The following PTPRG variants were observed in gnomAD, a reference collection of about 807,000 sequenced individuals.
The protein encoded by PTPRG is protein tyrosine phosphatase receptor type G, also known as receptor-type tyrosine-protein phosphatase gamma.
PTPRG carries 102 observed loss-of-function variants against 165.3 expected under a neutral mutation model. The ratio of observed to expected loss-of-function variants is 0.62; its 90% confidence interval spans 0.53 to 0.73. The LOEUF (loss-of-function observed/expected upper bound fraction) is 0.73, where lower values mean the gene tolerates loss of function less well. Among genes scored for constraint, PTPRG ranks in the 30% least tolerant of loss-of-function variants. The probability of loss-of-function intolerance (pLI) is 0.00; values close to 1 mark genes in which losing one functional copy is unlikely to be tolerated. For missense variants in PTPRG, 1,866 were observed against 1,861.4 expected (o/e 1.00, Z -0.05); for synonymous variants, 675 against 669.5 (o/e 1.01, Z -0.13).
At position 62,137,444 on chromosome 3, in the gene PTPRG, A is replaced by G. The variant is rs76492073; in HGVS notation, c.682+4776A>G. On this transcript the variant is annotated intron_variant, in intron 6 of 29. Transcript: ENST00000474889. ...AGATGAGGCAAAACTCTGCAGCCCA[A>G]TTTGTTCAACTTTTGAAGCCTTAGG... Among the ~76,000 whole-genome samples, 21 of 152,244 alleles carry G rather than the reference A, an allele frequency of 1.4e-4. No individual in the cohort carries two copies. In the East Asian group the frequency reaches 2.1e-3, roughly 15 times the overall value.
chr3:61,652,250 C>T (rs889756988), intron 1 of PTPRG, among the ~76,000 whole-genome samples: 2 of 151,468 alleles, frequency 1.3e-5, no homozygotes, highest in East Asian at 1.9e-4. Context: ...GAGGTTGCAC[C>T]GAGCCCAGAT....
intron 2 of PTPRG, among the ~76,000 whole-genome samples, chr3:61,787,926 G>T (rs991290466): frequency 2.0e-5 from 3 of 152,146 alleles, no homozygotes; most frequent in Admixed American, 2.0e-4. Flanking sequence ...ATCGTCTCCA[G>T]TGGTGTCTTT....
chr3:62,157,509 C>A (rs1263549005), intron 7 of PTPRG, among the ~76,000 whole-genome samples: 1 of 152,196 alleles, frequency 6.6e-6, no homozygotes, highest in Non-Finnish European at 1.5e-5. Context: ...TAGCTATCCT[C>A]AATGATGATG....
intron 1 of PTPRG, among the ~76,000 whole-genome samples, chr3:61,566,754 ACCT>A (rs1423534687): frequency 2.0e-5 from 3 of 152,188 alleles, no homozygotes. Context: ...TGCTCTGCCC[ACCT>A]CGGCCTCCCA....
chr3:61,859,394 CG>C (rs2037198286), intron 2 of PTPRG, among the ~76,000 whole-genome samples: 1 of 152,026 alleles, frequency 6.6e-6, no homozygotes, highest in Non-Finnish European at 1.5e-5. Context: ...GATTCAAACC[CG>C]GGTCTAATTT....
At chr3:62,119,491 GA>G (rs1183631282) in intron 5 of PTPRG, among the ~76,000 whole-genome samples, 1 of 152,250 alleles carries the variant, frequency 6.6e-6, no homozygotes, top group Non-Finnish European at 1.5e-5. Flanking sequence ...TGAGGAAGAG[GA>G]AGGAGGCCCT....
At chr3:62,206,908 G>GT (rs1294131824) in intron 12 of PTPRG, among the ~76,000 whole-genome samples, 2 of 88,836 alleles carry the variant, frequency 2.3e-5, no homozygotes, top group African/African-American at 1.0e-4. Flanking sequence ...GCAAGACTCT[G>GT]TCTCAAAAAA....
At chr3:62,118,604 T>C (rs1702948929) in intron 5 of PTPRG, 1 of 152,270 alleles carries the variant, frequency 6.6e-6, no homozygotes, top group Admixed American at 6.5e-5. Flanking sequence ...TTAAATTTTA[T>C]GTTTTTTGCT....
At chr3:62,120,222 C>G (rs546060055) in intron 5 of PTPRG, among the ~76,000 whole-genome samples, 246 of 152,148 alleles carry the variant, frequency 1.6e-3, no homozygotes, top group African/African-American at 5.5e-3. Context: ...CCAGTTAGGT[C>G]AGGCTTCTGG....
At chr3:62,187,798 T>A (rs1206444408) in intron 8 of PTPRG, among the ~76,000 whole-genome samples, 1 of 152,180 alleles carries the variant, frequency 6.6e-6, no homozygotes, top group Non-Finnish European at 1.5e-5. Context: ...CAGACTGCTC[T>A]TCCTATAGCT....
At chr3:61,944,327 C>T (rs747538134) in intron 2 of PTPRG, among the ~76,000 whole-genome samples, 2 of 152,262 alleles carry the variant, frequency 1.3e-5, no homozygotes, top group East Asian at 1.9e-4. Context: ...GTGATCGGAG[C>T]GCATCTTACA....
chr3:61,998,067 T>G (rs545666351), intron 3 of PTPRG, among the ~76,000 whole-genome samples: 24 of 152,264 alleles, frequency 1.6e-4, no homozygotes, highest in Non-Finnish European at 2.9e-4. Flanking sequence ...TGCTGCTGTT[T>G]ACTCAGATTT....
At position 61,887,162 on chromosome 3, in the gene PTPRG, A is replaced by ATT. The variant is rs2038071558; in HGVS notation, c.191-102462_191-102461insTT. ...TATATATATATATATATATATATATATATATATATTTTTAATGCCATCATC... is the reference window on the plus strand; with the variant it reads ...TATATATATATATATATATATATATATTTATATATATTTTTAATGCCATCATC... On this transcript the variant is annotated intron_variant, in intron 2 of 29. Transcript: ENST00000474889. Among the ~76,000 whole-genome samples, 5 of 89,206 alleles carry ATT rather than the reference A, an allele frequency of 5.6e-5. 1 individual carries two copies. Among genetic ancestry groups the ATT allele is most frequent in the Admixed American group, 1.1e-4 (1 of 8,876 alleles). 58.5% of individuals were successfully genotyped at this position (89,206 alleles called of 152,430 possible). A position where few individuals can be genotyped will look rare whatever the true frequency, so the allele number is the denominator to read the frequency against.
chr3:61,619,482 T>TGGGCATCCAGTAGTGCACA (rs1263715905), intron 1 of PTPRG, among the ~76,000 whole-genome samples: 5 of 152,194 alleles, frequency 3.3e-5, no homozygotes, highest in African/African-American at 1.2e-4. Context: ...GGCATGCTGC[T>TGGGCATCCAGTAGTGCACA]GGGCATCCAG....
At chr3:61,989,517 T>C in intron 2 of PTPRG, 108 bp from the exon 3 acceptor site, 1 of 1,042,558 alleles carries the variant, frequency 9.6e-7, no homozygotes, top group East Asian at 2.4e-5. Flanking sequence ...ATTCACCTCT[T>C]TGGATTGGGG....
chr3:62,136,282 G>A (rs1703706865), intron 6 of PTPRG, among the ~76,000 whole-genome samples: 1 of 152,172 alleles, frequency 6.6e-6, no homozygotes, highest in Non-Finnish European at 1.5e-5. Flanking sequence ...GTACAATTAA[G>A]TATGTAATGA....
chr3:61,832,324 A>G (rs1345090060), intron 2 of PTPRG, among the ~76,000 whole-genome samples: 4 of 152,194 alleles, frequency 2.6e-5, no homozygotes, highest in African/African-American at 7.2e-5. Flanking sequence ...TTTTAAAAAC[A>G]TTATTATATG....
At chr3:61,628,282 T>C (rs1202301299) in intron 1 of PTPRG, among the ~76,000 whole-genome samples, 1 of 152,146 alleles carries the variant, frequency 6.6e-6, no homozygotes, top group Non-Finnish European at 1.5e-5. Flanking sequence ...TCTAGCAACA[T>C]TGCCCTGTCA....
At chr3:61,964,494 T>C (rs1479394) in intron 2 of PTPRG, among the ~76,000 whole-genome samples, 36,114 of 152,062 alleles carry the variant, frequency 0.24, 4,909 homozygotes, top group African/African-American at 0.36. Context: ...TTGCCGCTGC[T>C]AGAGCAAAAT....
Sources: allele counts gnomAD v4.1 joint callset (sites outside exome capture counted in the v4.1 genomes callset), GRCh38; gene constraint gnomAD v4.1.1; transcripts MANE v1.5; gene names NCBI Gene and HGNC (gene_info 2026-07-23, HGNC 2026-07-21).